The following ANKS1B variants were observed in gnomAD, a reference collection of about 807,000 sequenced individuals.
ANKS1B encodes the protein ankyrin repeat and sterile alpha motif domain-containing protein 1B.
In ANKS1B, 36 loss-of-function variants were observed where a neutral mutation model predicts 148.3. The ratio of observed to expected loss-of-function variants is 0.24; its 90% CI spans 0.19 to 0.32. The LOEUF is 0.32. Ranked by LOEUF, ANKS1B falls within the 10% of genes least tolerant of loss-of-function variation. The pLI is 1.00. For synonymous variants in ANKS1B, 542 were observed against 560.8 expected, an observed-to-expected ratio of 0.97 and a Z score of 0.47; for missense variants, 1,157 against 1,542.6, an observed-to-expected ratio of 0.75 and a Z score of 4.19.
At chr12:98,973,163 A>G (rs1336656774) in intron 17 of ANKS1B, among the ~76,000 whole-genome samples, 1 of 152,050 alleles carries the variant, frequency 6.6e-6, no homozygotes, top group Non-Finnish European at 1.5e-5. Context: ...TCCTTTACAA[A>G]GATCTTGTAA....
chr12:98,996,958 A>G (rs749893225), intron 17 of ANKS1B, among the ~76,000 whole-genome samples: 2 of 151,996 alleles, frequency 1.3e-5, no homozygotes, highest in Non-Finnish European at 2.9e-5. Context: ...TACCTCTCAC[A>G]CTACTTTCAG....
intron 12 of ANKS1B, among the ~76,000 whole-genome samples, chr12:99,327,437 ATATAT>A (rs955152491): frequency 5.2e-5 from 7 of 134,588 alleles, no homozygotes; most frequent in African/African-American, 1.7e-4. Context: ...TCTATAAATT[ATATAT>A]TATATATTAT....
intron 1 of ANKS1B, among the ~76,000 whole-genome samples, chr12:99,868,820 G>A (rs1456139916): frequency 6.6e-6 from 1 of 152,156 alleles, no homozygotes; most frequent in Non-Finnish European, 1.5e-5. Flanking sequence ...CATTTTGGGA[G>A]GCCGAGGCGG....
chr12:99,828,921 T>G (rs924583862), intron 1 of ANKS1B, among the ~76,000 whole-genome samples: 6 of 151,796 alleles, frequency 4.0e-5, no homozygotes, highest in Admixed American at 2.6e-4. Context: ...AGGCGGAAGT[T>G]GAAGTGAGTC....
chr12:99,900,430 C>T (rs143426043), intron 1 of ANKS1B, among the ~76,000 whole-genome samples: 9,264 of 140,284 alleles, frequency 0.066, 321 homozygotes, highest in Middle Eastern at 0.18. Context: ...CACTTGAACC[C>T]GGGAGGCGGA....
At chr12:99,168,763 T>C (rs1283720298) in intron 14 of ANKS1B, among the ~76,000 whole-genome samples, 1 of 152,116 alleles carries the variant, frequency 6.6e-6, no homozygotes, top group Admixed American at 6.5e-5. Flanking sequence ...GCCATGGTGA[T>C]CCTGAGGGGG....
rs1302397751 is a variant in ANKS1B, at chr12:99,611,026, T to G, written c.1272+44041A>C. On this transcript the variant is annotated intron_variant, in intron 9 of 26. Coordinates refer to ENST00000683438, the MANE Select transcript of ANKS1B (RefSeq NM_001352186.2). ...TCACATAAGTTTAGGAAATTCTCCC[T>G]GTTCTCTTCCCACTTTGGAGACACA... Among the ~76,000 whole-genome samples, 3 of 152,242 alleles carry G rather than the reference T, an allele frequency of 2.0e-5. No homozygotes were observed. The East Asian group carries it at 5.8e-4, about 29-fold the overall frequency.
chr12:98,762,918 G>A (rs2098431242), intron 25 of ANKS1B, among the ~76,000 whole-genome samples: 1 of 152,252 alleles, frequency 6.6e-6, no homozygotes, highest in South Asian at 2.1e-4. Context: ...ACACAAAAAG[G>A]AAGTTGCCTG....
At chr12:98,911,017 T>C (rs935903032) in intron 17 of ANKS1B, among the ~76,000 whole-genome samples, 1 of 152,174 alleles carries the variant, frequency 6.6e-6, no homozygotes, top group Admixed American at 6.5e-5. Context: ...GGGCTCTCTG[T>C]CAACATATGG....
intron 12 of ANKS1B, among the ~76,000 whole-genome samples, chr12:99,380,706 CTTGT>C (rs1227127385): frequency 1.3e-5 from 2 of 152,076 alleles, no homozygotes; most frequent in African/African-American, 4.8e-5. Flanking sequence ...CTTATTTTGG[CTTGT>C]TTATCAAATT....
chr12:98,915,528 T>C (rs1469723319), intron 17 of ANKS1B, among the ~76,000 whole-genome samples: 3 of 152,128 alleles, frequency 2.0e-5, no homozygotes, highest in African/African-American at 7.2e-5. Context: ...ATTTTTTGCA[T>C]ATTTAGTAGG....
At chr12:99,252,923 C>A (rs973905567) in intron 12 of ANKS1B, among the ~76,000 whole-genome samples, 8 of 152,086 alleles carry the variant, frequency 5.3e-5, no homozygotes, top group African/African-American at 1.9e-4. Flanking sequence ...AAAAACATTT[C>A]ATATAATGGG....
intron 9 of ANKS1B, among the ~76,000 whole-genome samples, chr12:99,590,492 C>T (rs535538745): frequency 6.6e-6 from 1 of 152,274 alleles, no homozygotes; most frequent in Admixed American, 6.5e-5. Context: ...CTGTCCCTTG[C>T]ATCCACAGCA....
chr12:99,648,407 C>G (rs2098393440), intron 9 of ANKS1B: 1 of 1,614,172 alleles, frequency 6.2e-7, no homozygotes, highest in East Asian at 2.2e-5. Context: ...CGCACCAGCC[C>G]CTGCCTCACA....
intron 1 of ANKS1B, among the ~76,000 whole-genome samples, chr12:99,937,266 C>T (rs2094802436): frequency 6.6e-6 from 1 of 152,158 alleles, no homozygotes; most frequent in South Asian, 2.1e-4. Context: ...AGGGGCCATT[C>T]TGCCAGGCCA....
intron 2 of ANKS1B, among the ~76,000 whole-genome samples, chr12:99,822,975 A>C (rs1200923229): frequency 6.6e-6 from 1 of 152,006 alleles, no homozygotes; most frequent in Non-Finnish European, 1.5e-5. Context: ...ACTTTTTAAT[A>C]ATAGCCATTC....
At chr12:98,808,294 T>G (rs1489927337) in intron 19 of ANKS1B, among the ~76,000 whole-genome samples, 1 of 152,206 alleles carries the variant, frequency 6.6e-6, no homozygotes, top group Non-Finnish European at 1.5e-5. Context: ...GGAAAAAACC[T>G]TTAACACAGG....
intron 17 of ANKS1B, chr12:98,894,845 G>A (rs1596451774): frequency 1.0e-6 from 1 of 981,174 alleles, no homozygotes; most frequent in Non-Finnish European, 1.2e-6. Context: ...GCGCTGCGCC[G>A]AGCGCCGGGC....
chr12:99,519,141 T>C (rs2096850941), intron 9 of ANKS1B, among the ~76,000 whole-genome samples: 2 of 152,166 alleles, frequency 1.3e-5, no homozygotes, highest in Non-Finnish European at 2.9e-5. Context: ...TGAGCTAACA[T>C]ATGGCCTATC....
Sources: gnomAD v4.1 joint callset for allele counts (sites outside exome capture counted in the v4.1 genomes callset) on GRCh38, gnomAD v4.1.1 for gene constraint, MANE v1.5 for transcripts, NCBI Gene and HGNC (gene_info 2026-07-23, HGNC 2026-07-21) for gene names.